The following GRAP2 variants were observed in gnomAD, a reference collection of about 807,000 sequenced individuals.
GRAP2 encodes the protein GRB2-related adapter protein 2.
GRAP2 carries 31 observed loss-of-function variants against 43.5 expected under a neutral mutation model. The observed-to-expected ratio is 0.71, with a 90% CI of 0.54 to 0.96. The LOEUF is 0.96. Among genes scored for constraint, GRAP2 ranks in the 40% least tolerant of loss-of-function variants. The pLI is 0.00. For synonymous variants in GRAP2, 156 were observed against 164.8 expected, an observed-to-expected ratio of 0.95 and a Z score of 0.41; for missense variants, 371 against 424.4, an observed-to-expected ratio of 0.87 and a Z score of 1.11.
intron 7 of GRAP2, 149 bp downstream of exon 7, chr22:39,969,682 G>A (rs934983152): frequency 2.6e-6 from 2 of 758,326 alleles, no homozygotes; most frequent in Non-Finnish European, 4.1e-6. Context: ...GGGAGGCCAA[G>A]GCAGGTGGAT....
In GRAP2 at chr22:39,941,862, GT is replaced by G. The variant is rs796395252; in HGVS notation, c.-14-5219del. Among the ~76,000 whole-genome samples, 658 of 143,124 alleles carry G rather than the reference GT, an allele frequency of 4.6e-3. 4 individuals carry two copies. The highest frequency in any genetic ancestry group is 7.4e-3 in the African/African-American group (292 of 39,260). The allele number at this position is 143,124 out of a possible 152,430, so 93.9% of individuals were successfully genotyped here. ...AATGTTCTATATCAACAGGAGAGGTGTTTTTTTTTTTTGTCTGTTTGTTTTG... is the reference window on the plus strand; with the variant it reads ...AATGTTCTATATCAACAGGAGAGGTGTTTTTTTTTTTGTCTGTTTGTTTTG... On this transcript the variant is annotated intron_variant, in intron 1 of 7. Coordinates refer to ENST00000344138, the MANE Select transcript of GRAP2 (RefSeq NM_004810.4).
At chr22:39,932,318 G>A (rs889224510) in intron 1 of GRAP2, among the ~76,000 whole-genome samples, 3 of 152,112 alleles carry the variant, frequency 2.0e-5, no homozygotes, top group African/African-American at 7.2e-5. Flanking sequence ...TATTTTATCT[G>A]ACAACCCTAC....
chr22:39,949,752 T>C (rs1179979148), intron 2 of GRAP2, among the ~76,000 whole-genome samples: 1 of 152,146 alleles, frequency 6.6e-6, no homozygotes, highest in African/African-American at 2.4e-5. Context: ...GATGACCCTG[T>C]CCCAACGTAG....
intron 1 of GRAP2, chr22:39,926,500 A>AAT: frequency 1.5e-5 from 8 of 528,708 alleles, no homozygotes; most frequent in South Asian, 8.3e-5. Flanking sequence ...AAAAAAAAAA[A>AAT]GGAAAAGAGC....
At chr22:39,910,801 A>G (rs981397801) in intron 1 of GRAP2, among the ~76,000 whole-genome samples, 1 of 151,634 alleles carries the variant, frequency 6.6e-6, no homozygotes, top group East Asian at 1.9e-4. Flanking sequence ...TTTCTATTTC[A>G]CTCGATCATT....
At chr22:39,943,742 A>T in intron 1 of GRAP2, among the ~76,000 whole-genome samples, 1 of 142,814 alleles carries the variant, frequency 7.0e-6, no homozygotes. Context: ...TTTTTTTAAG[A>T]TGGAGTCTCA....
intron 1 of GRAP2, among the ~76,000 whole-genome samples, chr22:39,928,627 C>T (rs2066727740): frequency 6.6e-6 from 1 of 152,232 alleles, no homozygotes; most frequent in Non-Finnish European, 1.5e-5. Context: ...AATACTAACT[C>T]CCTCCTAATC....
At chr22:39,916,441 A>G (rs758317199) in intron 1 of GRAP2, among the ~76,000 whole-genome samples, 30 of 152,276 alleles carry the variant, frequency 2.0e-4, no homozygotes, top group Non-Finnish European at 3.2e-4. Context: ...TATTAGACTC[A>G]TAAAAAGCCT....
At chr22:39,911,726 T>C (rs938065365) in intron 1 of GRAP2, among the ~76,000 whole-genome samples, 3 of 152,124 alleles carry the variant, frequency 2.0e-5, no homozygotes, top group African/African-American at 7.2e-5. Context: ...TAATTATTAA[T>C]TTTCCAGTAG....
intron 4 of GRAP2, among the ~76,000 whole-genome samples, chr22:39,962,211 C>T (rs2067126748): frequency 6.6e-6 from 1 of 152,118 alleles, no homozygotes; most frequent in African/African-American, 2.4e-5. Context: ...ATGCTTTAAG[C>T]CAAGGAGTTG....
chr22:39,943,789 G>A (rs997397276), intron 1 of GRAP2, among the ~76,000 whole-genome samples: 3 of 149,432 alleles, frequency 2.0e-5, no homozygotes, highest in South Asian at 2.1e-4. Flanking sequence ...GTGCAATCTC[G>A]GCTCACTGCA....
At chr22:39,954,283 G>A (rs536238552) in intron 2 of GRAP2, among the ~76,000 whole-genome samples, 53 of 152,334 alleles carry the variant, frequency 3.5e-4, no homozygotes, top group African/African-American at 1.1e-3. Flanking sequence ...CCAGAAGTAG[G>A]AAGGCTCCTG....
chr22:39,912,646 G>A (rs893642511), intron 1 of GRAP2, among the ~76,000 whole-genome samples: 1 of 152,172 alleles, frequency 6.6e-6, no homozygotes. Flanking sequence ...TAGTGACAAG[G>A]TTGGAAAACA....
intron 1 of GRAP2, among the ~76,000 whole-genome samples, chr22:39,942,623 CAA>C (rs71761183): frequency 1.6e-4 from 19 of 120,918 alleles, no homozygotes; most frequent in Admixed American, 8.5e-5. Context: ...CGATCTCTAC[CAA>C]AAAAAAAAAA....
intron 1 of GRAP2, among the ~76,000 whole-genome samples, chr22:39,946,246 A>G (rs539248000): frequency 2.6e-5 from 4 of 152,348 alleles, no homozygotes; most frequent in South Asian, 2.1e-4. Context: ...GGAGACTCCA[A>G]GGGTTTAATT....
intron 1 of GRAP2, among the ~76,000 whole-genome samples, chr22:39,944,570 A>G (rs946909181): frequency 9.2e-5 from 14 of 152,216 alleles, no homozygotes; most frequent in African/African-American, 2.9e-4. Flanking sequence ...TAATATTACA[A>G]GCTGGGGAGC....
intron 1 of GRAP2, among the ~76,000 whole-genome samples, chr22:39,936,926 AG>A (rs1300956991): frequency 6.6e-6 from 1 of 152,186 alleles, no homozygotes; most frequent in Non-Finnish European, 1.5e-5. Flanking sequence ...TTTTGGCTAA[AG>A]GACAGCCACC....
At position 39,966,125 on chromosome 22, in the gene GRAP2, G is replaced by C. The variant is rs1372275780; in HGVS notation, c.426G>C (p.Gln142His). ...CAAATTCCATCTCCAGACAGAAGCA[G>C]ATCTTCCTTAGAGACAGAACCCGAG... is the stretch of plus-strand genomic sequence containing the variant. ...YRTNSISRQK[Q>H]IFLRDRTRED... The change falls in exon 5 of 8, where the codon CAG becomes CAC. Residue 142 changes from glutamine to histidine, a missense_variant. Physicochemically the swap from Gln to His is conservative, Grantham distance 24. Coordinates refer to ENST00000344138, the MANE Select transcript of GRAP2 (RefSeq NM_004810.4). 1.9e-6 allele frequency: 3 copies of C among 1,614,132 alleles called. No homozygotes were observed. The highest frequency in any genetic ancestry group is 2.2e-5 in the East Asian group (1 of 44,888).
intron 3 of GRAP2, among the ~76,000 whole-genome samples, chr22:39,958,437 C>T (rs1289810131): frequency 6.6e-6 from 1 of 152,152 alleles, no homozygotes; most frequent in East Asian, 1.9e-4. Context: ...TCCCCCTCGA[C>T]TAGAATGTAA....
Sources: allele counts gnomAD v4.1 joint callset (sites outside exome capture counted in the v4.1 genomes callset), GRCh38; gene constraint gnomAD v4.1.1; transcripts MANE v1.5; gene names NCBI Gene and HGNC (gene_info 2026-07-23, HGNC 2026-07-21).